Variants in IGFN1 observed in about 807,000 individuals in gnomAD.
IGFN1 encodes immunoglobulin like and fibronectin type III domain containing 1.
In IGFN1, 253 loss-of-function variants were observed where a neutral mutation model predicts 289.5. The observed-to-expected ratio is 0.87, with a 90% CI of 0.79 to 0.97. The LOEUF (loss-of-function observed/expected upper bound fraction) is 0.97. IGFN1 is among the 50% of genes least tolerant of loss of function. The probability of loss-of-function intolerance (pLI) is 0.00; values close to 1 mark genes in which losing one functional copy is unlikely to be tolerated. For synonymous variants in IGFN1, 1,706 were observed against 1,788.5 expected (o/e 0.95, Z 1.16); for missense variants, 4,470 against 4,686.1 (o/e 0.95, Z 1.35).
Position 201,207,745 on chromosome 1 carries a change from T to C in IGFN1, c.2852T>C (p.Met951Thr), listed in dbSNP as rs1418938163. ...GATGGCTTGGAAGGTCCCGGGAGAA[T>C]GGAATCTAGGTACGAGGGTGGCTTA... ...YKDGLEGPGR[M>T]ESRYEGGLGY... is the part of the protein sequence containing the mutation. Residue 951 changes from methionine (M) to threonine (T), a missense_variant, in exon 12 of 24, where the codon ATG becomes ACG. Met to Thr is a moderately conservative substitution (Grantham distance 81). Transcript: ENST00000335211. 3 of 1,536,696 alleles carry C rather than the reference T, an allele frequency of 2.0e-6. No individual in the cohort carries two copies. The highest frequency in any genetic ancestry group is 2.6e-6 in the Non-Finnish European group (3 of 1,146,792).
Position 201,211,566 on chromosome 1 carries a change from G to C in IGFN1, c.6673G>C (p.Gly2225Arg). The C allele has an allele frequency of 6.5e-7, 1 of 1,534,364 alleles. No homozygotes were observed. Among genetic ancestry groups the C allele is most frequent in the Non-Finnish European group, 8.7e-7 (1 of 1,145,802 alleles). Residue 2225 changes from glycine to arginine, a missense_variant, in exon 12 of 24, where the codon GGT becomes CGT. This residue lies in a region of IGFN1 where 2,218 missense variants were observed against 2,114.1 expected (regional missense o/e 1.05). Coordinates refer to ENST00000335211, the MANE Select transcript of IGFN1 (RefSeq NM_001164586.2). ...RKDLGAPKGMGSGSKAGFRDG... is the reference protein window; with the variant it reads ...RKDLGAPKGMRSGSKAGFRDG... ...GGATTTGGGGGCTCCTAAGGGAATG[G>C]GTTCAGGGAGTAAGGCAGGTTTCAG...
chr1:201,228,938 A>T lies in IGFN1; in HGVS notation c.*539A>T, dbSNP rs530546741. 28 of 153,912 alleles carry T rather than the reference A, an allele frequency of 1.8e-4. No individual in the cohort carries two copies. In the South Asian group the frequency reaches 5.7e-3, roughly 31 times the overall value. The allele number at this position is 153,912 out of a possible 1,614,324, so 9.5% of individuals were successfully genotyped here. A position where few individuals can be genotyped will look rare whatever the true frequency, so the allele number is the denominator to read the frequency against. ...CTATGCGTTTCTTCATTAAAACATT[A>T]GGCTAATACAGGCAGATCATTGGCA... On this transcript the variant is annotated 3_prime_UTR_variant, in exon 24 of 24. Coordinates refer to ENST00000335211, the MANE Select transcript of IGFN1 (RefSeq NM_001164586.2).
intron 19 of IGFN1, chr1:201,222,007 G>T (rs932470718): frequency 1.5e-5 from 5 of 334,542 alleles, no homozygotes; most frequent in Non-Finnish European, 2.7e-5. Flanking sequence ...GAGGTTCAAG[G>T]TACTTTGCCC....
At chr1:201,222,677 C>T (rs571047637) in intron 19 of IGFN1, 62 bp from the exon 20 acceptor site, 2 of 1,215,932 alleles carry the variant, frequency 1.6e-6, no homozygotes, top group Admixed American at 3.6e-5. Context: ...TTGCTGGGGA[C>T]CTGGGGCTGG....
rs1667448538 is a variant in IGFN1 at position 201,206,845 on chromosome 1, G to A, written c.1952G>A (p.Gly651Glu). The A allele has an allele frequency of 5.9e-6, 9 of 1,536,766 alleles. No individual in the cohort carries two copies. Among genetic ancestry groups the A allele is most frequent in the African/African-American group, 1.4e-5 (1 of 73,098 alleles). Residue 651 changes from glycine to glutamate, a missense_variant, in exon 12 of 24, where the codon GGA (glycine) becomes GAA (glutamate). By Grantham distance (98) the Gly-to-Glu change is moderately conservative. Coordinates refer to ENST00000335211, the MANE Select transcript of IGFN1 (RefSeq NM_001164586.2). ...GCTCCAAGTAGGGAAAGGGGGAGAG[G>A]AATAGTAGTGTGGGGTGGTGGGACT... ...GDAPSRERGR[G>E]IVVWGGGTGL...
chr1:201,223,942 T>C (rs768814222), intron 20 of IGFN1, among the ~76,000 whole-genome samples: 6 of 152,178 alleles, frequency 3.9e-5, no homozygotes, highest in Non-Finnish European at 8.8e-5. Context: ...ATGGCAAAAA[T>C]ATTTAATGCA....
At position 201,224,714 on chromosome 1, in the gene IGFN1, T is replaced by C. The variant is rs979648435; in HGVS notation, c.10326T>C (p.Asp3442=). The part of the protein sequence containing the change: ...MPMPEVTWLK[D]GLPLPKRSVT... ...TGCCTGAGGTGACCTGGCTGAAGGA[T>C]GGCTTGCCCTTGCCCAAAAGAAGTG... Residue 3442 remains aspartate (D), a synonymous_variant, in exon 21 of 24, where the codon GAT becomes GAC. Coordinates refer to ENST00000335211, the MANE Select transcript of IGFN1 (RefSeq NM_001164586.2). The C allele has an allele frequency of 6.2e-7, 1 of 1,614,204 alleles. No individual in the cohort carries two copies.
intron 8 of IGFN1, 111 bp downstream of exon 8, chr1:201,200,522 G>T: frequency 1.2e-6 from 1 of 831,110 alleles, no homozygotes. Flanking sequence ...AACCAAGTAT[G>T]ATCAAGGGGC....
Position 201,207,567 on chromosome 1 carries a change from AG to A in IGFN1, c.2677del (p.Ala893LeufsTer13). ...GVDARSHWLSRAPGLGAQGSG... is the reference protein window; with the variant it reads ...GVDARSHWLSXAPGLGAQGSG... ...GGATGCCAGAAGCCACTGGCTAAGT[AG>A]GGCTCCAGGCCTGGGTGCTCAGGGA... is the stretch of plus-strand genomic sequence containing the variant. On this transcript the variant is annotated frameshift_variant, in exon 12 of 24. Transcript: ENST00000335211. LOFTEE classifies it high-confidence loss of function. 2.0e-6 allele frequency: 3 copies of A among 1,536,948 alleles called. No individual in the cohort carries two copies. Among genetic ancestry groups the A allele is most frequent in the Non-Finnish European group, 2.6e-6 (3 of 1,146,848 alleles).
At chr1:201,202,669 C>T (rs960021747) in intron 9 of IGFN1, among the ~76,000 whole-genome samples, 2 of 151,928 alleles carry the variant, frequency 1.3e-5, no homozygotes, top group African/African-American at 4.8e-5. Context: ...TTTTTGTTCC[C>T]TAGTTTTCTC....
chr1:201,196,654 T>C (rs1350191850), intron 4 of IGFN1, among the ~76,000 whole-genome samples: 3 of 152,122 alleles, frequency 2.0e-5, no homozygotes, highest in African/African-American at 7.2e-5. Flanking sequence ...CAGGAGTTGT[T>C]ATGAGGATGA....
At chr1:201,226,842 G>T (rs3738272) in intron 22 of IGFN1, 40 bp from the exon 23 acceptor site, 4 of 1,487,948 alleles carry the variant, frequency 2.7e-6, no homozygotes, top group Non-Finnish European at 3.6e-6. Flanking sequence ...GGCCTTCCTC[G>T]CTTTCTCACC....
chr1:201,227,567 A>G (rs931946220), intron 23 of IGFN1, among the ~76,000 whole-genome samples: 1 of 151,818 alleles, frequency 6.6e-6, no homozygotes, highest in African/African-American at 2.4e-5. Flanking sequence ...AGCTGGGATT[A>G]CAGGCATCCG....
Position 201,207,026 on chromosome 1 carries a change from C to A in IGFN1, c.2133C>A (p.Tyr711Ter). The change falls in exon 12 of 24, where the codon TAC becomes TAA. Residue 711 changes from tyrosine (Y) to a stop codon, truncating the protein, a stop_gained. Coordinates refer to ENST00000335211, the MANE Select transcript of IGFN1 (RefSeq NM_001164586.2). LOFTEE classifies it high-confidence loss of function. ...CTGACTATGGGGAAGCCAGGGGCTACTGGGGGTCAGGAGAGTTGCTAGAAC... is the reference window on the plus strand; with the variant it reads ...CTGACTATGGGGAAGCCAGGGGCTAATGGGGGTCAGGAGAGTTGCTAGAAC... ...RDADYGEARG[Y>*]WGSGELLEQI... The A allele has an allele frequency of 6.5e-7, 1 of 1,536,708 alleles. No individual in the cohort carries two copies. The highest frequency in any genetic ancestry group is 1.2e-5 in the South Asian group (1 of 84,044).
rs758093733 is a variant in IGFN1 at position 201,225,852 on chromosome 1, C to T, written c.10515C>T (p.His3505=). 13 of 1,612,864 alleles carry T rather than the reference C, an allele frequency of 8.1e-6. No individual in the cohort carries two copies. Among genetic ancestry groups the T allele is most frequent in the Admixed American group, 3.3e-5 (2 of 59,914 alleles). The stretch of plus-strand genomic sequence containing the variant: ...GCCCGCAGGCCCCTGGGCCCATCCA[C>T]CTGCAGGAGAACGTGCCTGGGACGG... ...AACPQAPGPI[H]LQENVPGTVT... is the part of the protein sequence containing the mutation. Residue 3505 remains histidine (H), a synonymous_variant, in exon 22 of 24, where the codon CAC becomes CAT. Transcript: ENST00000335211.
Position 201,226,883 on chromosome 1 carries a change from C to G in IGFN1, c.10788C>G (p.Asp3596Glu). ...CTCTCACCCCGGCTTTCACCACAGA[C>G]AGGTTCACAGTGAAGGCTCCGTGCT... The part of the protein sequence containing the change: ...SQPWCIPRQR[D>E]RFTVKAPCYR... Residue 3596 changes from aspartate to glutamate, a missense_variant and splice_region_variant, in exon 23 of 24, where the codon GAC becomes GAG. Coordinates refer to ENST00000335211, the MANE Select transcript of IGFN1 (RefSeq NM_001164586.2). The G allele has an allele frequency of 6.4e-7, 1 of 1,572,770 alleles. No individual in the cohort carries two copies. Among genetic ancestry groups the G allele is most frequent in the African/African-American group, 1.4e-5 (1 of 73,916 alleles).
chr1:201,214,353 A>T, intron 13 of IGFN1, 52 bp downstream of exon 13: 2 of 1,549,098 alleles, frequency 1.3e-6, no homozygotes, highest in Non-Finnish European at 1.8e-6. Context: ...ACAGAGGTAA[A>T]GCAGAGAGGG....
At chr1:201,203,639 C>T in intron 9 of IGFN1, 99 bp from the exon 10 acceptor site, 8 of 1,117,372 alleles carry the variant, frequency 7.2e-6, no homozygotes, top group Non-Finnish European at 1.0e-5. Context: ...GGCGACTGGG[C>T]CCGTGGGAGA....
chr1:201,212,453 G>T lies in IGFN1; in HGVS notation c.7560G>T (p.Gly2520=), dbSNP rs1374761621. Residue 2520 remains glycine (G), a synonymous_variant, in exon 12 of 24, where the codon GGG becomes GGT. Transcript: ENST00000335211. The part of the protein sequence containing the change: ...RVKDRSPDQA[G]IMGASGFLDG... ...AGGATAGGTCTCCAGACCAAGCAGGGATAATGGGGGCTTCTGGGTTTCTTG... is the reference window on the plus strand; with the variant it reads ...AGGATAGGTCTCCAGACCAAGCAGGTATAATGGGGGCTTCTGGGTTTCTTG... 6.5e-7 allele frequency: 1 copy of T among 1,538,012 alleles called. No homozygotes were observed. Among genetic ancestry groups the T allele is most frequent in the Admixed American group, 2.0e-5 (1 of 50,982 alleles).
Sources: allele counts gnomAD v4.1 joint callset (sites outside exome capture counted in the v4.1 genomes callset), GRCh38; gene constraint gnomAD v4.1.1; regional missense constraint gnomAD v4.1.1; transcripts MANE v1.5; gene names NCBI Gene and HGNC (gene_info 2026-07-23, HGNC 2026-07-21).